MSH3: variants seen among roughly 807,000 people sequenced by gnomAD.
The protein encoded by MSH3 is DNA mismatch repair protein Msh3.
A neutral mutation model predicts 123.3 loss-of-function variants in MSH3; 106 were observed. The observed-to-expected ratio is 0.86, with a 90% CI of 0.73 to 1.01. The LOEUF (loss-of-function observed/expected upper bound fraction) is 1.01. Ranked by LOEUF, MSH3 falls within the 50% of genes least tolerant of loss-of-function variation. The pLI, the probability that MSH3 is intolerant of heterozygous loss-of-function variation, is 0.00. For missense variants in MSH3, 1,459 were observed against 1,347.6 expected, an observed-to-expected ratio of 1.08 and a Z score of -1.29; for synonymous variants, 515 against 481.4, an observed-to-expected ratio of 1.07 and a Z score of -0.91.
rs773569755 is a variant in MSH3 at position 80,674,992 on chromosome 5, C to T, written c.1037C>T (p.Pro346Leu). Residue 346 changes from proline (P) to leucine (L), a missense_variant, in exon 7 of 24, where the codon CCC (proline) becomes CTC (leucine). Transcript: ENST00000265081. ...CTTTAATTATTATTAAATGTGAATC[C>T]CCTAATCAAGCTGGATGATGCTGTA... ...KSTLIGEDVN[P>L]LIKLDDAVNV... 6.2e-7 allele frequency: 1 copy of T among 1,604,112 alleles called. No individual in the cohort carries two copies. Among genetic ancestry groups the T allele is most frequent in the African/African-American group, 1.3e-5 (1 of 74,654 alleles).
At chr5:80,709,713 C>T (rs1203540713) in intron 8 of MSH3, among the ~76,000 whole-genome samples, 1 of 152,006 alleles carries the variant, frequency 6.6e-6, no homozygotes, top group Non-Finnish European at 1.5e-5. Context: ...CTTTTCTTTA[C>T]CTTTGGTTTT....
chr5:80,786,518 G>A (rs1431907777), intron 17 of MSH3, among the ~76,000 whole-genome samples: 1 of 152,124 alleles, frequency 6.6e-6, no homozygotes, highest in Non-Finnish European at 1.5e-5. Context: ...AAGAATTTGT[G>A]ACTTATCACC....
intron 20 of MSH3, among the ~76,000 whole-genome samples, chr5:80,822,391 A>G (rs1303815514): frequency 2.0e-5 from 3 of 152,248 alleles, no homozygotes; most frequent in Non-Finnish European, 2.9e-5. Context: ...AATAAAGTAC[A>G]TGAAAATGCC....
intron 20 of MSH3, among the ~76,000 whole-genome samples, chr5:80,832,609 A>C (rs1353462437): frequency 6.6e-6 from 1 of 150,970 alleles, no homozygotes; most frequent in African/African-American, 2.4e-5. Flanking sequence ...ACAGAGTAAG[A>C]CTCCATTAAA....
chr5:80,787,584 C>T lies in MSH3; in HGVS notation c.2455C>T (p.His819Tyr). 6.2e-7 allele frequency: 1 copy of T among 1,613,552 alleles called. No homozygotes were observed. The change falls in exon 18 of 24, where the codon CAC becomes TAC. Residue 819 changes from histidine to tyrosine, a missense_variant. Coordinates refer to ENST00000265081, the MANE Select transcript of MSH3 (RefSeq NM_002439.5). ...DFLEKFSEHY[H>Y]SLCKAVHHLA... ...CCGTAGGAAATTCAGTGAACATTAT[C>T]ACTCCTTGTGTAAAGCAGTGCATCA... is the stretch of plus-strand genomic sequence containing the variant.
chr5:80,851,098 G>C (rs762378664), intron 20 of MSH3, among the ~76,000 whole-genome samples: 9 of 152,002 alleles, frequency 5.9e-5, no homozygotes, highest in Admixed American at 1.3e-4. Flanking sequence ...TCATAGTACT[G>C]TTTACTCTTT....
At chr5:80,656,989 T>G (rs887077378) in intron 2 of MSH3, among the ~76,000 whole-genome samples, 12 of 152,104 alleles carry the variant, frequency 7.9e-5, no homozygotes, top group Admixed American at 6.5e-5. Flanking sequence ...TAAATATATT[T>G]TACAGATTAT....
intron 22 of MSH3, among the ~76,000 whole-genome samples, chr5:80,865,946 T>G (rs754950173): frequency 2.2e-4 from 33 of 152,168 alleles, no homozygotes; most frequent in Non-Finnish European, 3.1e-4. Flanking sequence ...TGGAAGTAGT[T>G]TTGTATCTAT....
intron 20 of MSH3, among the ~76,000 whole-genome samples, chr5:80,841,133 C>T (rs1438664973): frequency 1.3e-5 from 2 of 152,028 alleles, no homozygotes; most frequent in East Asian, 3.9e-4. Flanking sequence ...TCAGTTCCCA[C>T]CTATGAGTGA....
chr5:80,836,845 G>A (rs889774578), intron 20 of MSH3, among the ~76,000 whole-genome samples: 1 of 151,888 alleles, frequency 6.6e-6, no homozygotes, highest in Non-Finnish European at 1.5e-5. Context: ...ACAGTTGATT[G>A]AATCTGCGGT....
At chr5:80,787,525 C>A in intron 17 of MSH3, 40 bp from the exon 18 acceptor site, 1 of 1,266,274 alleles carries the variant, frequency 7.9e-7, no homozygotes, top group South Asian at 1.2e-5. Context: ...TTTAAGATAT[C>A]AGTTTGCTCA....
At chr5:80,820,175 A>AG (rs1450606342) in intron 20 of MSH3, among the ~76,000 whole-genome samples, 5 of 152,254 alleles carry the variant, frequency 3.3e-5, no homozygotes, top group African/African-American at 1.2e-4. Flanking sequence ...GAGGCTTAAA[A>AG]CATCAATGCC....
rs533823550 is a variant in MSH3 at position 80,776,986 on chromosome 5, T to C, written c.2318+1228T>C. On this transcript the variant is annotated intron_variant, in intron 16 of 23. Transcript: ENST00000265081. Reference sequence around the variant, plus strand: ...TCTTTTCGTCAGCCAGGCTGGAGTGTAGTGGCGCAATCCCGGTCTACTGCA... The same window carrying C: ...TCTTTTCGTCAGCCAGGCTGGAGTGCAGTGGCGCAATCCCGGTCTACTGCA... Among the ~76,000 whole-genome samples, 72 of 150,208 alleles carry C rather than the reference T, an allele frequency of 4.8e-4. No homozygotes were observed. In the South Asian group the frequency reaches 0.014, roughly 29 times the overall value.
At chr5:80,846,332 G>T (rs922152353) in intron 20 of MSH3, among the ~76,000 whole-genome samples, 1 of 151,816 alleles carries the variant, frequency 6.6e-6, no homozygotes, top group East Asian at 2.0e-4. Context: ...CTACTGGGAG[G>T]TGTCTCCCAG....
chr5:80,781,338 C>A (rs567839275), intron 17 of MSH3, among the ~76,000 whole-genome samples: 1 of 152,164 alleles, frequency 6.6e-6, no homozygotes, highest in South Asian at 2.1e-4. Flanking sequence ...TCTATTCAGA[C>A]CTTACATAAT....
At chr5:80,763,513 T>G (rs942381643) in intron 13 of MSH3, among the ~76,000 whole-genome samples, 2 of 152,246 alleles carry the variant, frequency 1.3e-5, no homozygotes, top group African/African-American at 4.8e-5. Flanking sequence ...CCAAACCATT[T>G]GTTGTTTTTA....
At chr5:80,789,824 G>T (rs1744578198) in intron 18 of MSH3, among the ~76,000 whole-genome samples, 1 of 152,176 alleles carries the variant, frequency 6.6e-6, no homozygotes, top group Non-Finnish European at 1.5e-5. Context: ...AAGAACTATA[G>T]GAGGTCATTG....
intron 9 of MSH3, among the ~76,000 whole-genome samples, chr5:80,726,045 T>C (rs534358841): frequency 6.6e-6 from 1 of 152,334 alleles, no homozygotes; most frequent in African/African-American, 2.4e-5. Context: ...AGACTAGCAT[T>C]TTGAAAGGTT....
At chr5:80,668,178 C>G (rs1315532741) in intron 3 of MSH3, among the ~76,000 whole-genome samples, 2 of 152,158 alleles carry the variant, frequency 1.3e-5, no homozygotes, top group East Asian at 3.9e-4. Context: ...CTGCTTGTCT[C>G]TTCAAGTTTG....
Sources: gnomAD v4.1 joint callset for allele counts (sites outside exome capture counted in the v4.1 genomes callset) on GRCh38, gnomAD v4.1.1 for gene constraint, MANE v1.5 for transcripts, NCBI Gene and HGNC (gene_info 2026-07-23, HGNC 2026-07-21) for gene names.